MKI67: variants seen among roughly 807,000 people sequenced by gnomAD.
MKI67 encodes the protein proliferation marker protein Ki-67.
MKI67 carries 152 observed loss-of-function variants against 233.5 expected under a neutral mutation model. The ratio of observed to expected loss-of-function variants is 0.65; its 90% CI spans 0.57 to 0.74. The LOEUF (loss-of-function observed/expected upper bound fraction) is 0.74. Among genes scored for constraint, MKI67 ranks in the 30% least tolerant of loss-of-function variants. The pLI is 0.00. For synonymous variants in MKI67, 1,465 were observed against 1,418.5 expected, an observed-to-expected ratio of 1.03 and a Z score of -0.74; for missense variants, 3,940 against 3,885.2, an observed-to-expected ratio of 1.01 and a Z score of -0.37.
At position 128,108,203 on chromosome 10, in the gene MKI67, T is replaced by C. The variant is rs1285467180; in HGVS notation, c.3637A>G (p.Thr1213Ala). The C allele has an allele frequency of 1.9e-6, 3 of 1,612,068 alleles. No individual in the cohort carries two copies. The highest frequency in any genetic ancestry group is 4.5e-5 in the East Asian group (2 of 44,770). ...AGAGCCTGGGCCTTTTCCTTAGGAG[T>C]CTGTAGCTGTCTTTTGCTGCCAGGT... The part of the protein sequence containing the change: ...TLPGSKRQLQ[T>A]PKEKAQALED... The change falls in exon 13 of 15, where the codon ACT becomes GCT. Residue 1213 changes from threonine to alanine, a missense_variant. By Grantham distance (58) the Thr-to-Ala change is moderately conservative. Coordinates refer to ENST00000368654, the MANE Select transcript of MKI67 (RefSeq NM_002417.5).
rs777529356 is a variant in MKI67 at position 128,105,005 on chromosome 10, T to C, written c.6835A>G (p.Met2279Val). Residue 2279 changes from methionine to valine, a missense_variant, in exon 13 of 15, where the codon ATG (methionine) becomes GTG (valine). Coordinates refer to ENST00000368654, the MANE Select transcript of MKI67 (RefSeq NM_002417.5). ...ACTGGAGTTCCCATAAATGCTTTCA[T>C]GTCTTTCTCATCACCTCCTGCTGGT... Reference protein sequence around the residue: ...PKPAGGDEKDMKAFMGTPVQK... With the variant: ...PKPAGGDEKDVKAFMGTPVQK... The C allele has an allele frequency of 1.2e-6, 2 of 1,613,614 alleles. No individual in the cohort carries two copies. Among genetic ancestry groups the C allele is most frequent in the Non-Finnish European group, 1.7e-6 (2 of 1,179,916 alleles).
intron 4 of MKI67, among the ~76,000 whole-genome samples, chr10:128,121,380 A>G (rs1852932978): frequency 7.0e-6 from 1 of 143,768 alleles, no homozygotes; most frequent in Non-Finnish European, 1.5e-5. Context: ...TATATATTAT[A>G]TAATATAAAT....
chr10:128,105,030 T>G lies in MKI67; in HGVS notation c.6810A>C (p.Lys2270Asn), dbSNP rs1445893757. The G allele has an allele frequency of 1.2e-6, 2 of 1,613,450 alleles. No individual in the cohort carries two copies. The highest frequency in any genetic ancestry group is 3.3e-5 in the Admixed American group (2 of 59,962). ...TGTCTTTCTCATCACCTCCTGCTGG[T>G]TTGGGTGTGTCCATAGCTTTCCCTA... ...PSVGKAMDTP[K>N]PAGGDEKDMK... Residue 2270 changes from lysine (K) to asparagine (N), a missense_variant, in exon 13 of 15, where the codon AAA (lysine) becomes AAC (asparagine). By Grantham distance (94) the Lys-to-Asn change is moderately conservative (BLOSUM62 0). Transcript: ENST00000368654.
At chr10:128,124,975 T>C (rs192261538) in intron 2 of MKI67, among the ~76,000 whole-genome samples, 10 of 151,976 alleles carry the variant, frequency 6.6e-5, no homozygotes, top group Admixed American at 4.6e-4. Flanking sequence ...GTCTGGGAAA[T>C]GACCACACGG....
At chr10:128,114,565 TAC>T (rs146694273) in intron 7 of MKI67, among the ~76,000 whole-genome samples, 9,175 of 152,288 alleles carry the variant, frequency 0.06, 367 homozygotes, top group Non-Finnish European at 0.093. Context: ...ACTCATATGA[TAC>T]AGTTGATTGT....
At chr10:128,113,253 T>C (rs1213119257) in intron 8 of MKI67, among the ~76,000 whole-genome samples, 174 bp downstream of exon 8, 1 of 152,214 alleles carries the variant, frequency 6.6e-6, no homozygotes, top group Non-Finnish European at 1.5e-5. Flanking sequence ...ACCCAGGGGC[T>C]CCTTTGCTGG....
In MKI67 at chr10:128,125,909, G is replaced by A. The variant is rs981355482; in HGVS notation, c.-89-153C>T. Among the ~76,000 whole-genome samples the A allele has an allele frequency of 6.6e-6, 1 of 151,994 alleles. No homozygotes were observed. The highest frequency in any genetic ancestry group is 1.5e-5 in the Non-Finnish European group (1 of 67,964). On this transcript the variant is annotated intron_variant, in intron 1 of 14. Coordinates refer to ENST00000368654, the MANE Select transcript of MKI67 (RefSeq NM_002417.5). This position sits in a 1 kb window ranked among gnomAD's most constrained non-coding sequence, Gnocchi z 5.3. ...CGCAGCCCCCGGCGCCCCAAAGTCC[G>A]GCAGCTGGGGTGTTGTCGCCAGCGC... is the stretch of plus-strand genomic sequence containing the variant.
intron 11 of MKI67, chr10:128,111,438 C>G (rs893008440): frequency 3.8e-6 from 2 of 530,548 alleles, no homozygotes; most frequent in African/African-American, 3.9e-5. Flanking sequence ...TCATGCAGGA[C>G]ATGTGATCCC....
rs1361775406 is a variant in MKI67, at chr10:128,103,279, T to A, written c.8561A>T (p.Glu2854Val). The change falls in exon 13 of 15, where the codon GAG becomes GTG. Residue 2854 changes from glutamate to valine, a missense_variant. By Grantham distance (121) the Glu-to-Val change is moderately radical. Coordinates refer to ENST00000368654, the MANE Select transcript of MKI67 (RefSeq NM_002417.5). ...TGTGAGCTTGCCAACTGCTAACAGC[T>A]CCTCCTTCACTTCTACTTTCTGGGC... ...TRAQKVEVKE[E>V]LLAVGKLTQT... is the part of the protein sequence containing the mutation. 3 of 1,614,084 alleles carry A rather than the reference T, an allele frequency of 1.9e-6. No homozygotes were observed. Among genetic ancestry groups the A allele is most frequent in the Admixed American group, 3.3e-5 (2 of 60,004 alleles).
intron 11 of MKI67, among the ~76,000 whole-genome samples, chr10:128,110,952 C>T (rs138511507): frequency 6.6e-6 from 1 of 152,278 alleles, no homozygotes; most frequent in Non-Finnish European, 1.5e-5. Context: ...ACAAATAACA[C>T]GTACCCACAT....
At position 128,103,007 on chromosome 10, in the gene MKI67, C is replaced by A. The variant is rs181523641; in HGVS notation, c.8833G>T (p.Ala2945Ser). 1.9e-6 allele frequency: 3 copies of A among 1,614,214 alleles called. No individual in the cohort carries two copies. The highest frequency in any genetic ancestry group is 3.3e-5 in the Admixed American group (2 of 60,024). Reference protein sequence around the residue: ...ANGAADSFTSAPKQTPDSGKP... With the variant: ...ANGAADSFTSSPKQTPDSGKP... ...CCACTGTCAGGTGTTTGCTTTGGAG[C>A]GCTTGTAAAGCTATCAGCAGCACCA... Residue 2945 changes from alanine to serine, a missense_variant, in exon 13 of 15, where the codon GCT becomes TCT. Coordinates refer to ENST00000368654, the MANE Select transcript of MKI67 (RefSeq NM_002417.5).
At position 128,101,661 on chromosome 10, in the gene MKI67, G is replaced by T; in HGVS notation, c.9302C>A (p.Ala3101Glu). 6.2e-7 allele frequency: 1 copy of T among 1,609,186 alleles called. No individual in the cohort carries two copies. The highest frequency in any genetic ancestry group is 1.7e-4 in the Middle Eastern group (1 of 6,036). The change falls in exon 14 of 15, where the codon GCA (alanine) becomes GAA (glutamate). Residue 3101 changes from alanine to glutamate, a missense_variant. Physicochemically the swap from Ala to Glu is moderately radical, Grantham distance 107 (BLOSUM62 -1). Coordinates refer to ENST00000368654, the MANE Select transcript of MKI67 (RefSeq NM_002417.5). ...LRSRRQNKTE[A>E]EQQITEVFVL... is the part of the protein sequence containing the mutation. ...AAAGACCTCAGTTATTTGCTGTTCT[G>T]CCTCAGTCTTATTTTGGCGTCTGGA...
rs772627334 is a variant in MKI67 at position 128,108,938 on chromosome 10, T to C, written c.2902A>G (p.Lys968Glu). The C allele has an allele frequency of 6.8e-6, 11 of 1,614,160 alleles. No individual in the cohort carries two copies. The East Asian group carries it at 1.6e-4, about 23-fold the overall frequency. The part of the protein sequence containing the change: ...CAPMSDLTDL[K>E]SLPDTELMKD... ...ATGAGTTCTGTATCAGGCAAGCTCT[T>C]GAGGTCTGTCAGGTCAGACATTGGT... is the stretch of plus-strand genomic sequence containing the variant. Residue 968 changes from lysine (K) to glutamate (E), a missense_variant, in exon 13 of 15, where the codon AAG becomes GAG. By Grantham distance (56) the Lys-to-Glu change is moderately conservative. Coordinates refer to ENST00000368654, the MANE Select transcript of MKI67 (RefSeq NM_002417.5).
Position 128,099,021 on chromosome 10 carries a change from C to A in MKI67, c.*169G>T, listed in dbSNP as rs1000578125. 1.5e-5 allele frequency: 8 copies of A among 546,260 alleles called. No individual in the cohort carries two copies. The highest frequency in any genetic ancestry group is 1.3e-5 in the Non-Finnish European group (4 of 311,286). 33.8% of individuals were successfully genotyped at this position (546,260 alleles called of 1,614,324 possible). A position where few individuals can be genotyped will look rare whatever the true frequency, so the allele number is the denominator to read the frequency against. Reference sequence around the variant, plus strand: ...CTCAGTCCAGGAGCCCAGCAGTGCTCCCAGTGGAGTTTATGAAGCCGATTC... The same window carrying A: ...CTCAGTCCAGGAGCCCAGCAGTGCTACCAGTGGAGTTTATGAAGCCGATTC... On this transcript the variant is annotated 3_prime_UTR_variant, in exon 15 of 15. Transcript: ENST00000368654.
chr10:128,114,500 C>T (rs998219794), intron 7 of MKI67, among the ~76,000 whole-genome samples: 2 of 152,188 alleles, frequency 1.3e-5, no homozygotes, highest in Non-Finnish European at 2.9e-5. Context: ...AGTATCAACA[C>T]CTGAGAACTA....
Position 128,108,296 on chromosome 10 carries a change from C to A in MKI67, c.3544G>T (p.Gly1182Cys). The change falls in exon 13 of 15, where the codon GGT becomes TGT. Residue 1182 changes from glycine to cysteine, a missense_variant. Coordinates refer to ENST00000368654, the MANE Select transcript of MKI67 (RefSeq NM_002417.5). ...AATGCTTTAATGTCTTTCTCATCACCTCCTGCTGGTTTGGGCGTAAGCATG... is the reference window on the plus strand; with the variant it reads ...AATGCTTTAATGTCTTTCTCATCACATCCTGCTGGTTTGGGCGTAAGCATG... ...KAMLTPKPAG[G>C]DEKDIKAFMG... 6.2e-7 allele frequency: 1 copy of A among 1,614,056 alleles called. No individual in the cohort carries two copies.
In MKI67 at chr10:128,113,423, T is replaced by A; in HGVS notation, c.1656+4A>T. ...GTGAATGGGATGCTGCTTGTTCAACTCACCTTGATGATTTTCTTCAGGACA... is the reference window on the plus strand; with the variant it reads ...GTGAATGGGATGCTGCTTGTTCAACACACCTTGATGATTTTCTTCAGGACA... On this transcript the variant is annotated splice_donor_region_variant and intron_variant, in intron 8 of 14. Coordinates refer to ENST00000368654, the MANE Select transcript of MKI67 (RefSeq NM_002417.5). 6.2e-7 allele frequency: 1 copy of A among 1,614,088 alleles called. No homozygotes were observed. The highest frequency in any genetic ancestry group is 8.5e-7 in the Non-Finnish European group (1 of 1,179,930).
intron 10 of MKI67, 50 bp from the exon 11 acceptor site, chr10:128,111,866 A>G (rs1852686182): frequency 6.2e-7 from 1 of 1,607,810 alleles, no homozygotes; most frequent in African/African-American, 1.3e-5. Flanking sequence ...ATAAATCCAC[A>G]CTGAATGCAA....
chr10:128,101,156 G>C, intron 14 of MKI67, 102 bp downstream of exon 14: 1 of 1,049,730 alleles, frequency 9.5e-7, no homozygotes, highest in Non-Finnish European at 1.4e-6. Flanking sequence ...CTGGCAGAGT[G>C]CTGTTGAAGA....
Sources: gnomAD v4.1 joint callset for allele counts (sites outside exome capture counted in the v4.1 genomes callset) on GRCh38, gnomAD v4.1.1 for gene constraint, Gnocchi (gnomAD v3.1) non-coding constraint, MANE v1.5 for transcripts, NCBI Gene and HGNC (gene_info 2026-07-23, HGNC 2026-07-21) for gene names.